SLC24A3: variants seen among roughly 807,000 people sequenced by gnomAD.
SLC24A3 encodes the protein sodium/potassium/calcium exchanger 3.
In SLC24A3, 28 loss-of-function variants were observed where a neutral mutation model predicts 75.8. That is an observed-to-expected ratio of 0.37 (90% CI 0.27 to 0.51). The LOEUF (loss-of-function observed/expected upper bound fraction) is 0.51. Among genes scored for constraint, SLC24A3 ranks in the 20% least tolerant of loss-of-function variants. The pLI, the probability that SLC24A3 is intolerant of heterozygous loss-of-function variation, is 0.94. For synonymous variants in SLC24A3, 372 were observed against 334.1 expected (o/e 1.11, Z -1.24); for missense variants, 663 against 847.8 (o/e 0.78, Z 2.71).
chr20:19,684,872 C>T (rs149987290), intron 11 of SLC24A3, among the ~76,000 whole-genome samples: 1 of 152,328 alleles, frequency 6.6e-6, no homozygotes, highest in African/African-American at 2.4e-5. Context: ...GAACTTTCCT[C>T]TAAAGGGATT....
At chr20:19,438,695 G>T (rs906905829) in intron 2 of SLC24A3, among the ~76,000 whole-genome samples, 1 of 152,144 alleles carries the variant, frequency 6.6e-6, no homozygotes, top group Non-Finnish European at 1.5e-5. Context: ...ATCCCCACAG[G>T]GTAGGTAGTG....
chr20:19,452,866 C>A (rs1001141922), intron 2 of SLC24A3, among the ~76,000 whole-genome samples: 14 of 151,828 alleles, frequency 9.2e-5, no homozygotes, highest in African/African-American at 2.7e-4. Context: ...AATAATAATA[C>A]TAATAATAAA....
At chr20:19,640,197 C>T (rs934549988) in intron 6 of SLC24A3, among the ~76,000 whole-genome samples, 5 of 152,260 alleles carry the variant, frequency 3.3e-5, no homozygotes, top group African/African-American at 1.2e-4. Context: ...TGTCACCTCT[C>T]AGTAGCGGTA....
rs77065494 is a variant in SLC24A3 at position 19,655,829 on chromosome 20, G to A, written c.687+1693G>A. 1.4e-3 allele frequency among the ~76,000 whole-genome samples: 215 copies of A among 152,192 alleles called. 1 individual carries two copies. The highest frequency in any genetic ancestry group is 2.5e-3 in the Non-Finnish European group (168 of 68,006). On this transcript the variant is annotated intron_variant, in intron 7 of 16. Transcript: ENST00000328041. ...GGCTTAAACTTGCACCACACCACAGGCTTTGTAGATGGAAGGTCGTGAGAC... is the reference window on the plus strand; with the variant it reads ...GGCTTAAACTTGCACCACACCACAGACTTTGTAGATGGAAGGTCGTGAGAC...
chr20:19,226,587 T>C (rs1981877141), intron 1 of SLC24A3, among the ~76,000 whole-genome samples: 1 of 152,222 alleles, frequency 6.6e-6, no homozygotes, highest in Non-Finnish European at 1.5e-5. Context: ...TCACAGTATT[T>C]TTCTTCATGT....
Position 19,350,549 on chromosome 20 carries a change from C to T in SLC24A3, c.271+69462C>T, listed in dbSNP as rs141917084. ...AAAGATATGTGTTGCTGTCTCTTTG[C>T]CACTACGCCTGCCAGACATCAATAG... On this transcript the variant is annotated intron_variant, in intron 2 of 16. Coordinates refer to ENST00000328041, the MANE Select transcript of SLC24A3 (RefSeq NM_020689.4). 2.8e-3 allele frequency among the ~76,000 whole-genome samples: 431 copies of T among 152,252 alleles called. 9 individuals carry two copies. The highest frequency in any genetic ancestry group is 6.8e-4 in the Non-Finnish European group (46 of 68,010).
At position 19,515,563 on chromosome 20, in the gene SLC24A3, G is replaced by T. The variant is rs1296463212; in HGVS notation, c.347G>T (p.Cys116Phe). 1 of 1,614,086 alleles carries T rather than the reference G, an allele frequency of 6.2e-7. No individual in the cohort carries two copies. The change falls in exon 3 of 17, where the codon TGT becomes TTT. Residue 116 changes from cysteine (C) to phenylalanine (F), a missense_variant and splice_region_variant. By Grantham distance (205) the Cys-to-Phe change is radical. This residue lies in a region of SLC24A3 where 510 missense variants were observed against 703.6 expected (regional missense o/e 0.72). Coordinates refer to ENST00000328041, the MANE Select transcript of SLC24A3 (RefSeq NM_020689.4). ...GGTGCGGTGGTCCTCCATGTGCTCTGTGTAAGTACCCCTCTGTGCCTCTGC... is the reference window on the plus strand; with the variant it reads ...GGTGCGGTGGTCCTCCATGTGCTCTTTGTAAGTACCCCTCTGTGCCTCTGC... The part of the protein sequence containing the change: ...RQGAVVLHVL[C>F]AIYMFYALAI...
chr20:19,250,891 A>G (rs942870313), intron 1 of SLC24A3, among the ~76,000 whole-genome samples: 2 of 152,158 alleles, frequency 1.3e-5, no homozygotes, highest in Admixed American at 6.5e-5. Flanking sequence ...TTCACAGTTG[A>G]GGAAACTGAG....
chr20:19,696,094 C>T (rs954855450), intron 13 of SLC24A3, among the ~76,000 whole-genome samples: 4 of 143,398 alleles, frequency 2.8e-5, no homozygotes, highest in Admixed American at 7.3e-5. Context: ...CACAGCTCAT[C>T]GCAGCCTGAA....
intron 2 of SLC24A3, among the ~76,000 whole-genome samples, chr20:19,366,275 T>G (rs1985889998): frequency 6.6e-6 from 1 of 152,234 alleles, no homozygotes; most frequent in Non-Finnish European, 1.5e-5. Context: ...TATTCACACC[T>G]TGAATGAGTT....
chr20:19,700,402 C>T (rs2032856653), intron 15 of SLC24A3, among the ~76,000 whole-genome samples: 1 of 121,394 alleles, frequency 8.2e-6, no homozygotes, highest in Non-Finnish European at 1.8e-5. Context: ...AGATCACTTT[C>T]TGATGAGGCC....
chr20:19,400,607 A>G (rs1448348520), intron 2 of SLC24A3, among the ~76,000 whole-genome samples: 3 of 152,128 alleles, frequency 2.0e-5, no homozygotes, highest in African/African-American at 7.2e-5. Flanking sequence ...ACCCTCTAGA[A>G]TTCTGTGTCT....
intron 6 of SLC24A3, among the ~76,000 whole-genome samples, chr20:19,602,153 G>A (rs186347156): frequency 2.0e-5 from 3 of 152,290 alleles, no homozygotes; most frequent in Admixed American, 1.3e-4. Flanking sequence ...CAGCCTGGGC[G>A]ACAAGAGCAA....
chr20:19,328,615 G>A (rs1301782721), intron 2 of SLC24A3, among the ~76,000 whole-genome samples: 3 of 152,180 alleles, frequency 2.0e-5, no homozygotes, highest in Non-Finnish European at 4.4e-5. Flanking sequence ...TTCCTGGCCT[G>A]AGCAGTTGTA....
intron 2 of SLC24A3, among the ~76,000 whole-genome samples, chr20:19,302,253 T>C (rs990081486): frequency 3.3e-5 from 5 of 152,236 alleles, no homozygotes; most frequent in African/African-American, 1.2e-4. Context: ...GCTGGGGCTG[T>C]TTTGCTCACT....
intron 2 of SLC24A3, among the ~76,000 whole-genome samples, chr20:19,282,759 C>T (rs890775717): frequency 6.6e-6 from 1 of 152,292 alleles, no homozygotes; most frequent in Non-Finnish European, 1.5e-5. Context: ...TATGCAGAAC[C>T]AGCAAGGATG....
intron 2 of SLC24A3, among the ~76,000 whole-genome samples, chr20:19,460,151 C>T (rs1357836058): frequency 6.6e-6 from 1 of 152,144 alleles, no homozygotes; most frequent in African/African-American, 2.4e-5. Context: ...GGTTTGCCCT[C>T]TTGGTTGGTG....
chr20:19,323,162 C>T (rs1034119254), intron 2 of SLC24A3, among the ~76,000 whole-genome samples: 64 of 143,892 alleles, frequency 4.4e-4, no homozygotes, highest in Non-Finnish European at 4.9e-4. Flanking sequence ...GCCGAGATCG[C>T]GCCACTGCAC....
intron 1 of SLC24A3, among the ~76,000 whole-genome samples, chr20:19,231,142 T>A (rs1393377031): frequency 6.6e-6 from 1 of 152,176 alleles, no homozygotes; most frequent in East Asian, 1.9e-4. Flanking sequence ...CAGGGCAGTT[T>A]TGAACTTATA....
Sources: allele counts gnomAD v4.1 joint callset (sites outside exome capture counted in the v4.1 genomes callset), GRCh38; gene constraint gnomAD v4.1.1; regional missense constraint gnomAD v4.1.1; transcripts MANE v1.5; gene names NCBI Gene and HGNC (gene_info 2026-07-23, HGNC 2026-07-21).